RTEL1: variants seen among roughly 807,000 people sequenced by gnomAD.
RTEL1 encodes the protein regulator of telomere length.
A neutral mutation model predicts 162.2 loss-of-function variants in RTEL1; 86 were observed. The ratio of observed to expected loss-of-function variants is 0.53; its 90% confidence interval spans 0.45 to 0.63. The LOEUF (loss-of-function observed/expected upper bound fraction) is 0.63, where lower values mean the gene tolerates loss of function less well. RTEL1 is among the 30% of genes least tolerant of loss of function. The pLI is 0.00. For synonymous variants in RTEL1, 958 were observed against 717.9 expected, an observed-to-expected ratio of 1.33 and a Z score of -5.35; for missense variants, 1,941 against 1,750.2, an observed-to-expected ratio of 1.11 and a Z score of -1.95.
rs377461417 is a variant in RTEL1, at chr20:63,694,739, A to C, written c.3110-2A>C. The C allele has an allele frequency of 2.4e-5, 38 of 1,598,490 alleles. No individual in the cohort carries two copies. The highest frequency in any genetic ancestry group is 3.2e-5 in the Non-Finnish European group (37 of 1,172,312). Reference sequence around the variant, plus strand: ...CTCTGAGCCATGCTACTCCCACACCAGGAGACCCTGGCAGCCAACCACAGT... The same window carrying C: ...CTCTGAGCCATGCTACTCCCACACCCGGAGACCCTGGCAGCCAACCACAGT... On this transcript the variant is annotated splice_acceptor_variant, in intron 31 of 34. Coordinates refer to ENST00000360203, the MANE Select transcript of RTEL1 (RefSeq NM_001283009.2). LOFTEE classifies it high-confidence loss of function.
In RTEL1 at chr20:63,691,803, G is replaced by C; in HGVS notation, c.2618G>C (p.Gly873Ala). The C allele has an allele frequency of 6.2e-7, 1 of 1,612,344 alleles. No homozygotes were observed. Among genetic ancestry groups the C allele is most frequent in the Non-Finnish European group, 8.5e-7 (1 of 1,179,848 alleles). The change falls in exon 28 of 35, where the codon GGA becomes GCA. Residue 873 changes from glycine to alanine, a missense_variant. Transcript: ENST00000360203. ...AAGAGGCCGGCAGAAGAACCGCGAG[G>C]AGGGAGGAAGAAGATCCGGCTGGTC... ...SEKRPAEEPR[G>A]GRKKIRLVSH...
Position 63,690,450 on chromosome 20 carries a change from G to T in RTEL1, c.2413+9G>T. 1 of 1,566,236 alleles carries T rather than the reference G, an allele frequency of 6.4e-7. No homozygotes were observed. On this transcript the variant is annotated intron_variant, in intron 26 of 34. Transcript: ENST00000360203. ...GAAGCAGAGGTCCTCAGGTGCGGAC[G>T]GGCAGCGCTGGGTGGGCGGTGTGGG...
Position 63,694,456 on chromosome 20 carries a change from G to C in RTEL1, c.3077G>C (p.Arg1026Thr). 6.2e-7 allele frequency: 1 copy of C among 1,606,022 alleles called. No homozygotes were observed. The highest frequency in any genetic ancestry group is 8.5e-7 in the Non-Finnish European group (1 of 1,174,434). The change falls in exon 31 of 35, where the codon AGG becomes ACG. Residue 1026 changes from arginine (R) to threonine (T), a missense_variant. Physicochemically the swap from Arg to Thr is moderately conservative, Grantham distance 71. Coordinates refer to ENST00000360203, the MANE Select transcript of RTEL1 (RefSeq NM_001283009.2). ...LDPQEHLNQG[R>T]PHLSPRPPPT... Reference sequence around the variant, plus strand: ...CCCCAAGAGCACCTGAACCAGGGCAGGCCCCACCTGTCGCCCAGGCCACCC... The same window carrying C: ...CCCCAAGAGCACCTGAACCAGGGCACGCCCCACCTGTCGCCCAGGCCACCC...
chr20:63,659,605 G>T (rs1368152353), intron 2 of RTEL1, 101 bp downstream of exon 2: 1 of 872,706 alleles, frequency 1.1e-6, no homozygotes, highest in Non-Finnish European at 1.9e-6. Flanking sequence ...GGCCCCTCCG[G>T]GCCAGAGGCA....
At chr20:63,664,793 G>A (rs2090092219) in intron 6 of RTEL1, among the ~76,000 whole-genome samples, 1 of 152,236 alleles carries the variant, frequency 6.6e-6, no homozygotes, top group African/African-American at 2.4e-5. Context: ...GGGCGAATGA[G>A]GAGACAGCTG....
chr20:63,663,865 G>A (rs1295655844), intron 6 of RTEL1, among the ~76,000 whole-genome samples: 2 of 152,150 alleles, frequency 1.3e-5, no homozygotes, highest in East Asian at 1.9e-4. Context: ...TTAGGGCGGC[G>A]CTCCCCTGGC....
rs897281344 is a variant in RTEL1, at chr20:63,661,064, G to T, written c.103-234G>T. On this transcript the variant is annotated intron_variant, in intron 2 of 34. Transcript: ENST00000360203. The surrounding 1 kb of genome is among the most constrained non-coding windows in gnomAD (Gnocchi z 5.1). ...GCTGAAAAATAGTGTCGTGTTTTGG[G>T]TAACGTTCTGCAAATCGTTTGCTAA... Among the ~76,000 whole-genome samples the T allele has an allele frequency of 6.6e-6, 1 of 152,264 alleles. No homozygotes were observed. Among genetic ancestry groups the T allele is most frequent in the Admixed American group, 6.5e-5 (1 of 15,292 alleles).
chr20:63,672,772 C>T, intron 9 of RTEL1, 151 bp downstream of exon 9: 1 of 671,914 alleles, frequency 1.5e-6, no homozygotes, highest in Non-Finnish European at 2.6e-6. Flanking sequence ...CTTCTGCCAC[C>T]CCCTCCCGCC....
chr20:63,659,307 GC>G lies in RTEL1; in HGVS notation c.-93del. On this transcript the variant is annotated 5_prime_UTR_variant, in exon 2 of 35. The change abolishes the stop of an existing upstream ORF in the 5' untranslated region. Coordinates refer to ENST00000360203, the MANE Select transcript of RTEL1 (RefSeq NM_001283009.2). The stretch of plus-strand genomic sequence containing the variant: ...CATGCTCGCATCGCTTACCAGGAGT[GC>G]CCGAGACCCTAAGATGTTCGGAGTG... 1 of 798,242 alleles carries G rather than the reference GC, an allele frequency of 1.3e-6. No homozygotes were observed. The highest frequency in any genetic ancestry group is 2.2e-6 in the Non-Finnish European group (1 of 453,072). The allele number at this position is 798,242 out of a possible 1,614,324, so 49.4% of individuals were successfully genotyped here. A position where few individuals can be genotyped will look rare whatever the true frequency, so the allele number is the denominator to read the frequency against.
intron 22 of RTEL1, 45 bp downstream of exon 22, chr20:63,689,177 C>A: frequency 1.3e-6 from 2 of 1,567,826 alleles, no homozygotes; most frequent in African/African-American, 1.3e-5. Flanking sequence ...TGCCTGTTCC[C>A]TGGTGGGTGC....
In RTEL1 at chr20:63,693,118, G is replaced by C. The variant is rs555954676; in HGVS notation, c.2852-25G>C. 474 of 1,612,222 alleles carry C rather than the reference G, an allele frequency of 2.9e-4. 7 individuals are homozygous for C. In the South Asian group the frequency reaches 4.9e-3, roughly 17 times the overall value. Reference sequence around the variant, plus strand: ...TTCTCTAGAGAAAAAGGGGCAGATGGGGACAGACGCCCCTTCCTCTACAGG... The same window carrying C: ...TTCTCTAGAGAAAAAGGGGCAGATGCGGACAGACGCCCCTTCCTCTACAGG... On this transcript the variant is annotated intron_variant, in intron 29 of 34. Coordinates refer to ENST00000360203, the MANE Select transcript of RTEL1 (RefSeq NM_001283009.2).
chr20:63,663,032 G>C, intron 6 of RTEL1, 143 bp downstream of exon 6: 1 of 767,734 alleles, frequency 1.3e-6, no homozygotes, highest in East Asian at 2.6e-5. Flanking sequence ...CTTCTGACTC[G>C]GGGCCACCCA....
chr20:63,663,359 C>T (rs1350337675), intron 6 of RTEL1, among the ~76,000 whole-genome samples: 1 of 152,192 alleles, frequency 6.6e-6, no homozygotes, highest in African/African-American at 2.4e-5. Context: ...CCTGTGCTGA[C>T]CTTGCTGCGG....
intron 13 of RTEL1, among the ~76,000 whole-genome samples, chr20:63,680,330 C>T (rs1174394527): frequency 2.6e-5 from 4 of 152,196 alleles, no homozygotes; most frequent in East Asian, 3.9e-4. Context: ...TGGTTTGAGA[C>T]GCCGGGCCCA....
At chr20:63,671,823 A>G (rs1490799538) in intron 8 of RTEL1, among the ~76,000 whole-genome samples, 6 of 150,596 alleles carry the variant, frequency 4.0e-5, no homozygotes, top group African/African-American at 1.5e-4. Context: ...CCAAAGCTGG[A>G]CCCCACCCCA....
In RTEL1 at chr20:63,692,883, A is replaced by T. The variant is rs754727644; in HGVS notation, c.2731A>T (p.Asn911Tyr). Residue 911 changes from asparagine to tyrosine, a missense_variant, in exon 29 of 35, where the codon AAC becomes TAC. Asn to Tyr is a moderately radical substitution (Grantham distance 143). Coordinates refer to ENST00000360203, the MANE Select transcript of RTEL1 (RefSeq NM_001283009.2). Reference sequence around the variant, plus strand: ...CGTGAAGCAGGAGTTGAGCCAAGCCAACTTTGCCACCTTCACCCAGGCCCT... The same window carrying T: ...CGTGAAGCAGGAGTTGAGCCAAGCCTACTTTGCCACCTTCACCCAGGCCCT... ...VAVKQELSQA[N>Y]FATFTQALQD... The T allele has an allele frequency of 1.9e-6, 3 of 1,612,476 alleles. No homozygotes were observed. Among genetic ancestry groups the T allele is most frequent in the Non-Finnish European group, 2.5e-6 (3 of 1,179,850 alleles).
intron 10 of RTEL1, 62 bp from the exon 11 acceptor site, chr20:63,678,083 A>G: frequency 6.3e-7 from 1 of 1,598,048 alleles, no homozygotes; most frequent in Non-Finnish European, 8.6e-7. Flanking sequence ...CCTGGTTCTC[A>G]AGGGCGGGGT....
rs2090699833 is a variant in RTEL1, at chr20:63,690,191, TC to T, written c.2248del (p.Arg750ValfsTer50). The T allele has an allele frequency of 1.9e-6, 3 of 1,612,364 alleles. No individual in the cohort carries two copies. The highest frequency in any genetic ancestry group is 1.7e-5 in the Admixed American group (1 of 59,982). On this transcript the variant is annotated frameshift_variant, in exon 25 of 35. Transcript: ENST00000360203. LOFTEE classifies it high-confidence loss of function. ...GTCATCCGAGACGTGGCCCAGTTCTTCCGTGTTGCCGAGCGAACTGTGAGTT... is the reference window on the plus strand; with the variant it reads ...GTCATCCGAGACGTGGCCCAGTTCTTCGTGTTGCCGAGCGAACTGTGAGTT... ...GHVIRDVAQF[F>X]RVAERTMPAP... is the part of the protein sequence containing the mutation.
chr20:63,675,795 C>T (rs974671057), intron 10 of RTEL1, among the ~76,000 whole-genome samples: 1 of 152,190 alleles, frequency 6.6e-6, no homozygotes, highest in African/African-American at 2.4e-5. Context: ...GGTGGACGGC[C>T]GCCTCTTTCC....
Sources: allele counts gnomAD v4.1 joint callset (sites outside exome capture counted in the v4.1 genomes callset), GRCh38; gene constraint gnomAD v4.1.1; non-coding constraint Gnocchi (gnomAD v3.1); transcripts MANE v1.5; gene names NCBI Gene and HGNC (gene_info 2026-07-23, HGNC 2026-07-21).